The following MAGI1 variants were observed in gnomAD, a reference collection of about 807,000 sequenced individuals.
MAGI1 encodes membrane associated guanylate kinase, WW and PDZ domain containing 1.
A neutral mutation model predicts 139.9 loss-of-function variants in MAGI1; 58 were observed. The ratio of observed to expected loss-of-function variants is 0.41; its 90% CI spans 0.34 to 0.52. MAGI1 has a LOEUF of 0.52. Among genes scored for constraint, MAGI1 ranks in the 20% least tolerant of loss-of-function variants. MAGI1 has a pLI of 0.12. For synonymous variants in MAGI1, 812 were observed against 737.9 expected (o/e 1.10, Z -1.63); for missense variants, 1,874 against 1,901.6 (o/e 0.99, Z 0.27).
rs767372794 is a variant in MAGI1 at position 65,363,517 on chromosome 3, T to C, written c.3443A>G (p.Tyr1148Cys). ...RGGREYNMDL[Y>C]VLRLAEDGPA... ...ACCGTCCTCTGCTAAGCGCAGAACA[T>C]AGAGGTCCATGTTATACTCTCGGCC... The change falls in exon 21 of 23, where the codon TAT (tyrosine) becomes TGT (cysteine). Residue 1148 changes from tyrosine (Y) to cysteine (C), a missense_variant. Around this residue, in one of 5 missense-constraint regions of MAGI1, gnomAD observed 653 missense variants for 644.5 expected, o/e 1.01. Coordinates refer to ENST00000402939, the MANE Select transcript of MAGI1 (RefSeq NM_001033057.2). 5.6e-6 allele frequency: 9 copies of C among 1,613,994 alleles called. No individual in the cohort carries two copies. Among genetic ancestry groups the C allele is most frequent in the Non-Finnish European group, 7.6e-6 (9 of 1,179,986 alleles).
At chr3:65,789,933 G>C (rs985105743) in intron 1 of MAGI1, among the ~76,000 whole-genome samples, 4 of 152,174 alleles carry the variant, frequency 2.6e-5, no homozygotes, top group Non-Finnish European at 4.4e-5. Context: ...AAATCTCATA[G>C]TCCATGAGAT....
At chr3:65,441,456 A>T (rs1434722464) in intron 8 of MAGI1, among the ~76,000 whole-genome samples, 1 of 152,162 alleles carries the variant, frequency 6.6e-6, no homozygotes, top group Non-Finnish European at 1.5e-5. Flanking sequence ...TAGCAATTTC[A>T]TTCTAAGAAA....
chr3:65,781,575 A>C (rs2038935664), intron 1 of MAGI1, among the ~76,000 whole-genome samples: 2 of 152,246 alleles, frequency 1.3e-5, no homozygotes, highest in Admixed American at 1.3e-4. Flanking sequence ...CATTTAAAAA[A>C]TTATTATACA....
intron 1 of MAGI1, among the ~76,000 whole-genome samples, chr3:65,698,556 C>T (rs2089372173): frequency 6.6e-6 from 1 of 152,024 alleles, no homozygotes; most frequent in South Asian, 2.1e-4. Flanking sequence ...GAACAGAGCC[C>T]TCAGAAATAA....
intron 22 of MAGI1, chr3:65,359,206 G>C: frequency 6.3e-7 from 1 of 1,597,970 alleles, no homozygotes. Context: ...GAGAAAGAGA[G>C]AAAGAGAAAA....
chr3:65,359,416 TTTTTG>T (rs998218243), intron 22 of MAGI1: 132 of 1,241,410 alleles, frequency 1.1e-4, no homozygotes, highest in African/African-American at 7.3e-4. Context: ...AATGCATCCT[TTTTTG>T]TTTTGTTTTG....
chr3:65,375,177 T>G (rs1942381388), intron 18 of MAGI1, among the ~76,000 whole-genome samples: 1 of 151,352 alleles, frequency 6.6e-6, no homozygotes, highest in Non-Finnish European at 1.5e-5. Flanking sequence ...GGGTGAAGAT[T>G]TTTCTGAAAC....
intron 2 of MAGI1, among the ~76,000 whole-genome samples, chr3:65,595,100 G>A (rs1487945591): frequency 6.6e-6 from 1 of 152,122 alleles, no homozygotes; most frequent in East Asian, 1.9e-4. Context: ...TGTAAATATG[G>A]AGATCTTATT....
chr3:65,900,121 T>C (rs1021965949), intron 1 of MAGI1, among the ~76,000 whole-genome samples: 7 of 151,874 alleles, frequency 4.6e-5, no homozygotes, highest in Non-Finnish European at 8.8e-5. Flanking sequence ...TCTACACTAA[T>C]GGATTTGTCT....
intron 1 of MAGI1, among the ~76,000 whole-genome samples, chr3:65,661,200 C>T (rs540859004): frequency 6.6e-6 from 1 of 152,190 alleles, no homozygotes; most frequent in South Asian, 2.1e-4. Flanking sequence ...TAGAATTAGC[C>T]TTTTTGGATC....
chr3:65,773,311 T>A (rs2038105906), intron 1 of MAGI1, among the ~76,000 whole-genome samples: 1 of 151,494 alleles, frequency 6.6e-6, no homozygotes, highest in South Asian at 2.1e-4. Flanking sequence ...GGCAGGAAGA[T>A]CACTTGAGCC....
At chr3:65,814,910 T>G (rs932116804) in intron 1 of MAGI1, among the ~76,000 whole-genome samples, 1 of 152,154 alleles carries the variant, frequency 6.6e-6, no homozygotes, top group African/African-American at 2.4e-5. Context: ...ACATACTTTT[T>G]GAAAGAAAAT....
chr3:65,825,619 A>G (rs1265576364), intron 1 of MAGI1, among the ~76,000 whole-genome samples: 1 of 152,230 alleles, frequency 6.6e-6, no homozygotes, highest in Non-Finnish European at 1.5e-5. Flanking sequence ...TGGACTTCTA[A>G]AACACCTAAA....
chr3:65,398,751 T>G (rs1944612150), intron 13 of MAGI1, among the ~76,000 whole-genome samples: 1 of 152,144 alleles, frequency 6.6e-6, no homozygotes, highest in South Asian at 2.1e-4. Flanking sequence ...TGTTTTTGTC[T>G]CTGCTATTTG....
chr3:65,720,806 G>A (rs918605604), intron 1 of MAGI1, among the ~76,000 whole-genome samples: 4 of 151,968 alleles, frequency 2.6e-5, no homozygotes, highest in African/African-American at 9.7e-5. Context: ...CTGGAGTGTA[G>A]TGGTACAATC....
intron 19 of MAGI1, 31 bp from the exon 20 acceptor site, chr3:65,364,756 C>T: frequency 1.2e-6 from 2 of 1,610,182 alleles, no homozygotes; most frequent in Non-Finnish European, 8.5e-7. Context: ...AATATAAGAG[C>T]AACCCATTAG....
At chr3:66,017,245 G>A (rs140430602) in intron 1 of MAGI1, among the ~76,000 whole-genome samples, 43 of 152,338 alleles carry the variant, frequency 2.8e-4, no homozygotes, top group Non-Finnish European at 4.9e-4. Flanking sequence ...TAGTCAGTGC[G>A]GGAAGACGCA....
At chr3:65,546,173 G>A (rs1469231440) in intron 2 of MAGI1, among the ~76,000 whole-genome samples, 3 of 152,036 alleles carry the variant, frequency 2.0e-5, no homozygotes, top group Non-Finnish European at 4.4e-5. Context: ...TAAATACTTT[G>A]CTTTGTCTCG....
intron 2 of MAGI1, among the ~76,000 whole-genome samples, chr3:65,495,889 T>C (rs2107679081): frequency 6.6e-6 from 1 of 152,132 alleles, no homozygotes; most frequent in Non-Finnish European, 1.5e-5. Context: ...AAGGCCAGCA[T>C]GGTTGCGGTA....
Sources: allele counts gnomAD v4.1 joint callset (sites outside exome capture counted in the v4.1 genomes callset), GRCh38; gene constraint gnomAD v4.1.1; regional missense constraint gnomAD v4.1.1; transcripts MANE v1.5; gene names NCBI Gene and HGNC (gene_info 2026-07-23, HGNC 2026-07-21).